Variants in ENOX1 observed in about 807,000 individuals in gnomAD.
ENOX1 encodes ecto-NOX disulfide-thiol exchanger 1.
A neutral mutation model predicts 82.5 loss-of-function variants in ENOX1; 42 were observed. That is an observed-to-expected ratio of 0.51 (90% CI 0.40 to 0.66). The LOEUF (loss-of-function observed/expected upper bound fraction) is 0.66, where lower values mean the gene tolerates loss of function less well. ENOX1 is among the 30% of genes least tolerant of loss of function. ENOX1 has a pLI of 0.00. For synonymous variants in ENOX1, 271 were observed against 282.2 expected (o/e 0.96, Z 0.40); for missense variants, 608 against 811.6 (o/e 0.75, Z 3.05).
At chr13:43,739,063 T>C (rs2089770192) in intron 1 of ENOX1, among the ~76,000 whole-genome samples, 2 of 152,188 alleles carry the variant, frequency 1.3e-5, no homozygotes, top group African/African-American at 2.4e-5. Context: ...TCTCCAACTG[T>C]TTCCTAGGTT....
chr13:43,242,982 A>G (rs939040550), intron 14 of ENOX1, among the ~76,000 whole-genome samples: 3 of 152,096 alleles, frequency 2.0e-5, no homozygotes, highest in Non-Finnish European at 2.9e-5. Flanking sequence ...CTGACCATAC[A>G]AAAATTAGCC....
intron 3 of ENOX1, among the ~76,000 whole-genome samples, chr13:43,439,839 C>T (rs1181994225): frequency 1.3e-5 from 2 of 152,128 alleles, no homozygotes; most frequent in African/African-American, 2.4e-5. Context: ...AAATGAGCAA[C>T]GAGCCAGATT....
At chr13:43,681,865 A>T (rs2085804305) in intron 1 of ENOX1, among the ~76,000 whole-genome samples, 1 of 152,106 alleles carries the variant, frequency 6.6e-6, no homozygotes, top group South Asian at 2.1e-4. Flanking sequence ...CAAAGGAGGA[A>T]CAAGTTTCTT....
chr13:43,493,344 A>T (rs2076685634), intron 2 of ENOX1, among the ~76,000 whole-genome samples: 1 of 152,226 alleles, frequency 6.6e-6, no homozygotes, highest in Admixed American at 6.5e-5. Context: ...AGAGAAGCTG[A>T]TAGCAAGGCT....
chr13:43,431,635 C>T (rs1265617574), intron 3 of ENOX1, among the ~76,000 whole-genome samples: 3 of 152,182 alleles, frequency 2.0e-5, no homozygotes, highest in Non-Finnish European at 4.4e-5. Flanking sequence ...AGTAGACACA[C>T]ACCCTTCCCT....
At chr13:43,427,399 T>C (rs2055379036) in intron 3 of ENOX1, among the ~76,000 whole-genome samples, 1 of 152,228 alleles carries the variant, frequency 6.6e-6, no homozygotes, top group Admixed American at 6.5e-5. Flanking sequence ...TTTGGATTTT[T>C]ACCCAAGGTC....
chr13:43,361,161 G>T, intron 6 of ENOX1, 118 bp downstream of exon 6: 1 of 1,049,558 alleles, frequency 9.5e-7, no homozygotes, highest in Non-Finnish European at 1.4e-6. Context: ...CTGTAGAACG[G>T]ATCCCCACTC....
intron 2 of ENOX1, among the ~76,000 whole-genome samples, chr13:43,618,663 T>G (rs1052923597): frequency 6.6e-6 from 1 of 152,174 alleles, no homozygotes; most frequent in Non-Finnish European, 1.5e-5. Flanking sequence ...TGAAATCAGA[T>G]AGTGTGATGC....
intron 1 of ENOX1, among the ~76,000 whole-genome samples, chr13:43,745,885 G>A (rs1189155209): frequency 1.3e-5 from 2 of 152,088 alleles, no homozygotes; most frequent in South Asian, 4.1e-4. Context: ...ATGTGAAGAA[G>A]GACATGTTTG....
In ENOX1 at chr13:43,308,950, T is replaced by C. The variant is rs139825636; in HGVS notation, c.1262-10420A>G. Among the ~76,000 whole-genome samples the C allele has an allele frequency of 7.1e-4, 108 of 152,166 alleles. 1 individual carries two copies. In the East Asian group the frequency reaches 0.02, roughly 29 times the overall value. On this transcript the variant is annotated intron_variant, in intron 11 of 16. Transcript: ENST00000690772. ...AGAAAGCTGAGGCTTGGTGAAGGGA[T>C]ATTATTTGCCAAGCCATGCCAGAAA...
chr13:43,717,797 C>T (rs879323385), intron 1 of ENOX1, among the ~76,000 whole-genome samples: 12 of 152,116 alleles, frequency 7.9e-5, no homozygotes, highest in Non-Finnish European at 1.3e-4. Flanking sequence ...AAGCTCATCA[C>T]TAATCATCAG....
intron 14 of ENOX1, among the ~76,000 whole-genome samples, chr13:43,265,109 A>G (rs927482986): frequency 6.6e-6 from 1 of 152,214 alleles, no homozygotes; most frequent in Non-Finnish European, 1.5e-5. Flanking sequence ...CCCTCCCAGT[A>G]TATCATCAGT....
intron 1 of ENOX1, among the ~76,000 whole-genome samples, chr13:43,753,542 A>G (rs1466631644): frequency 1.3e-5 from 2 of 152,180 alleles, no homozygotes. Flanking sequence ...CACTGGAATT[A>G]AGAATTAAGA....
intron 12 of ENOX1, among the ~76,000 whole-genome samples, chr13:43,294,661 C>T (rs955131272): frequency 6.6e-5 from 10 of 152,174 alleles, no homozygotes; most frequent in Admixed American, 3.3e-4. Flanking sequence ...TATGTCTACA[C>T]AAAAAGCCTG....
Position 43,466,998 on chromosome 13 carries a change from G to A in ENOX1, c.-75+17011C>T, listed in dbSNP as rs192258851. Among the ~76,000 whole-genome samples the A allele has an allele frequency of 7.8e-4, 118 of 152,190 alleles. 1 individual carries two copies. Among genetic ancestry groups the A allele is most frequent in the Non-Finnish European group, 2.9e-4 (20 of 67,996 alleles). On this transcript the variant is annotated intron_variant, in intron 3 of 16. Coordinates refer to ENST00000690772, the MANE Select transcript of ENOX1 (RefSeq NM_001347969.2). Reference sequence around the variant, plus strand: ...GGTTGAATAATATTCTGCTGCATGCGTATATCACATTTTGTTCATCCATTC... The same window carrying A: ...GGTTGAATAATATTCTGCTGCATGCATATATCACATTTTGTTCATCCATTC...
intron 2 of ENOX1, among the ~76,000 whole-genome samples, chr13:43,523,022 T>C (rs1310491866): frequency 1.3e-5 from 2 of 152,158 alleles, no homozygotes; most frequent in Non-Finnish European, 2.9e-5. Context: ...TAGCAGTGCA[T>C]CTTGAATGAC....
At chr13:43,231,152 A>T (rs1219868296) in intron 15 of ENOX1, among the ~76,000 whole-genome samples, 11 of 152,242 alleles carry the variant, frequency 7.2e-5, no homozygotes, top group Admixed American at 5.9e-4. Flanking sequence ...CTCTAGACAC[A>T]GTCACATCTT....
intron 14 of ENOX1, among the ~76,000 whole-genome samples, chr13:43,239,218 G>T (rs1449473635): frequency 6.6e-6 from 1 of 152,308 alleles, no homozygotes. Context: ...CAAATGGTGT[G>T]TTCTCATGCA....
intron 2 of ENOX1, among the ~76,000 whole-genome samples, chr13:43,556,516 G>A (rs1401067334): frequency 6.6e-6 from 1 of 152,058 alleles, no homozygotes; most frequent in African/African-American, 2.4e-5. Flanking sequence ...TTGAAGCTGA[G>A]AACTAAGAGG....
Sources: gnomAD v4.1 joint callset for allele counts (sites outside exome capture counted in the v4.1 genomes callset) on GRCh38, gnomAD v4.1.1 for gene constraint, MANE v1.5 for transcripts, NCBI Gene and HGNC (gene_info 2026-07-23, HGNC 2026-07-21) for gene names.